NEBL: variants seen among roughly 807,000 people sequenced by gnomAD.
The protein encoded by NEBL is nebulette.
NEBL carries 122 observed loss-of-function variants against 140.2 expected under a neutral mutation model. The ratio of observed to expected loss-of-function variants is 0.87; its 90% CI spans 0.75 to 1.01. The LOEUF is 1.01. Among genes scored for constraint, NEBL ranks in the 50% least tolerant of loss-of-function variants. The pLI, the probability that NEBL is intolerant of heterozygous loss-of-function variation, is 0.00. For missense variants in NEBL, 1,365 were observed against 1,231.3 expected, an observed-to-expected ratio of 1.11 and a Z score of -1.62; for synonymous variants, 436 against 398.9, an observed-to-expected ratio of 1.09 and a Z score of -1.11.
At chr10:20,862,868 T>G (rs1166918344) in intron 7 of NEBL, among the ~76,000 whole-genome samples, 1 of 151,736 alleles carries the variant, frequency 6.6e-6, no homozygotes, top group African/African-American at 2.4e-5. Context: ...TCACCTTTTT[T>G]TATTAATTTT....
intron 2 of NEBL, among the ~76,000 whole-genome samples, chr10:21,039,484 C>A (rs879430819): frequency 6.6e-6 from 1 of 152,162 alleles, no homozygotes; most frequent in African/African-American, 2.4e-5. Context: ...ACAAGGAATC[C>A]TTTCCCCTTT....
At chr10:21,033,949 T>G (rs1833907429) in intron 2 of NEBL, among the ~76,000 whole-genome samples, 1 of 151,744 alleles carries the variant, frequency 6.6e-6, no homozygotes, top group Non-Finnish European at 1.5e-5. Context: ...GTGGATTGCT[T>G]AAGTCAGAGA....
upstream of NEBL, chr10:20,897,313 C>A: frequency 6.6e-7 from 1 of 1,504,218 alleles, no homozygotes. Context: ...GGCAGAAATG[C>A]CCTTGCCCAA....
At chr10:20,971,150 C>T (rs1010298609) in intron 3 of NEBL, among the ~76,000 whole-genome samples, 1 of 152,098 alleles carries the variant, frequency 6.6e-6, no homozygotes, top group African/African-American at 2.4e-5. Context: ...TTTAAGTTTT[C>T]TTTTAGGAAA....
At chr10:20,962,845 G>GTGTA (rs1836113046) in intron 3 of NEBL, among the ~76,000 whole-genome samples, 1 of 152,124 alleles carries the variant, frequency 6.6e-6, no homozygotes, top group Non-Finnish European at 1.5e-5. Flanking sequence ...TGTTAGTGTA[G>GTGTA]TGTAGTCTTC....
intron 2 of NEBL, among the ~76,000 whole-genome samples, chr10:21,121,631 C>T (rs950581028): frequency 6.6e-6 from 1 of 152,092 alleles, no homozygotes; most frequent in African/African-American, 2.4e-5. Context: ...TAGAATGAGT[C>T]GTAGAGAGCA....
At chr10:20,964,227 C>T (rs1836187529) in intron 3 of NEBL, among the ~76,000 whole-genome samples, 2 of 151,876 alleles carry the variant, frequency 1.3e-5, no homozygotes, top group African/African-American at 4.8e-5. Flanking sequence ...CTCGGGAGGG[C>T]CACATAATCT....
At chr10:21,214,061 T>C (rs1841954164) in intron 3 of NEBL, among the ~76,000 whole-genome samples, 1 of 152,110 alleles carries the variant, frequency 6.6e-6, no homozygotes, top group African/African-American at 2.4e-5. Context: ...AGACAGATAA[T>C]TAAATCTTAA....
chr10:21,051,993 A>C (rs1460618053), intron 2 of NEBL, among the ~76,000 whole-genome samples: 1 of 152,186 alleles, frequency 6.6e-6, no homozygotes, highest in Non-Finnish European at 1.5e-5. Context: ...ACAACACAGC[A>C]AGGCCAAAAG....
chr10:20,873,835 TATC>T (rs2131271045), intron 5 of NEBL, among the ~76,000 whole-genome samples: 1 of 152,318 alleles, frequency 6.6e-6, no homozygotes, highest in African/African-American at 2.4e-5. Flanking sequence ...AGAAAAATGA[TATC>T]ATAACAAAAT....
intron 1 of NEBL, among the ~76,000 whole-genome samples, chr10:21,272,787 T>C (rs1483204547): frequency 6.6e-6 from 1 of 152,106 alleles, no homozygotes; most frequent in Non-Finnish European, 1.5e-5. Flanking sequence ...CTGTGAATCA[T>C]TATTAGTTGC....
chr10:20,961,849 C>T (rs908955686), intron 3 of NEBL: 16 of 1,158,044 alleles, frequency 1.4e-5, no homozygotes, highest in African/African-American at 7.6e-5. Context: ...GCTGGGCCAA[C>T]GAAGCTGCTG....
At chr10:20,954,793 C>T (rs745664038) in intron 4 of NEBL, among the ~76,000 whole-genome samples, 24 of 152,196 alleles carry the variant, frequency 1.6e-4, no homozygotes, top group East Asian at 5.8e-4. Flanking sequence ...GGAGTTTTTC[C>T]GGGGACCCCC....
intron 2 of NEBL, among the ~76,000 whole-genome samples, chr10:21,140,650 A>C (rs1482084032): frequency 6.6e-6 from 1 of 152,220 alleles, no homozygotes; most frequent in Non-Finnish European, 1.5e-5. Flanking sequence ...CGGTAAAATA[A>C]AATCACACAA....
intron 3 of NEBL, among the ~76,000 whole-genome samples, chr10:20,971,200 C>T (rs138715725): frequency 6.6e-6 from 1 of 152,036 alleles, no homozygotes; most frequent in Non-Finnish European, 1.5e-5. Flanking sequence ...AAAATGGTAG[C>T]ACTGGCAAAA....
chr10:21,143,478 G>A (rs949209131), intron 2 of NEBL, among the ~76,000 whole-genome samples: 10 of 141,008 alleles, frequency 7.1e-5, no homozygotes, highest in Admixed American at 2.8e-4. Context: ...AAAATCAAAC[G>A]TGAAAAGTGC....
chr10:21,035,467 A>G (rs979612447), intron 2 of NEBL, among the ~76,000 whole-genome samples: 2 of 152,182 alleles, frequency 1.3e-5, no homozygotes, highest in African/African-American at 4.8e-5. Flanking sequence ...AGCAAATCAC[A>G]CTTTCTTCCT....
chr10:20,885,628 A>G (rs1392703947), intron 4 of NEBL, among the ~76,000 whole-genome samples: 1 of 152,248 alleles, frequency 6.6e-6, no homozygotes, highest in African/African-American at 2.4e-5. Context: ...TAAGAAGTTG[A>G]GAGCTGTTGT....
intron 2 of NEBL, among the ~76,000 whole-genome samples, chr10:21,120,868 T>TAAAAA (rs1395349249): frequency 6.6e-6 from 1 of 152,104 alleles, no homozygotes; most frequent in African/African-American, 2.4e-5. Context: ...TCCCTATGGT[T>TAAAAA]AATCTGGTTC....
Sources: gnomAD v4.1 joint callset for allele counts (sites outside exome capture counted in the v4.1 genomes callset) on GRCh38, gnomAD v4.1.1 for gene constraint, MANE v1.5 for transcripts, NCBI Gene and HGNC (gene_info 2026-07-23, HGNC 2026-07-21) for gene names.